Variants in VCAN observed in about 807,000 individuals in gnomAD.
VCAN encodes the protein versican core protein.
Under a neutral mutation model 245.5 loss-of-function variants are expected in VCAN, and 44 were observed. The ratio of observed to expected loss-of-function variants is 0.18; its 90% CI spans 0.14 to 0.23. VCAN has a LOEUF of 0.23. Ranked by LOEUF, VCAN falls within the 10% of genes least tolerant of loss-of-function variation. The probability of loss-of-function intolerance (pLI) is 1.00; values close to 1 mark genes in which losing one functional copy is unlikely to be tolerated. For missense variants in VCAN, 3,793 were observed against 4,057.9 expected, an observed-to-expected ratio of 0.93 and a Z score of 1.77; for synonymous variants, 1,413 against 1,437.0, an observed-to-expected ratio of 0.98 and a Z score of 0.38.
chr5:83,485,318 T>C (rs1744756589), intron 2 of VCAN, among the ~76,000 whole-genome samples: 2 of 151,428 alleles, frequency 1.3e-5, no homozygotes, highest in African/African-American at 4.9e-5. Context: ...ACAGGAGAAT[T>C]GTTTGAACCC....
chr5:83,490,200 C>T lies in VCAN; in HGVS notation c.173C>T (p.Thr58Ile). ...CCTACTTTGCCACCCAGTTACAACA[C>T]CAGTGAATTTCTCCGCATCAAATGG... is the stretch of plus-strand genomic sequence containing the variant. The part of the protein sequence containing the change: ...TMPTLPPSYN[T>I]SEFLRIKWSK... Residue 58 changes from threonine (T) to isoleucine (I), a missense_variant, in exon 3 of 15, where the codon ACC becomes ATC. By Grantham distance (89) the Thr-to-Ile change is moderately conservative (BLOSUM62 -1). Transcript: ENST00000265077. 6.2e-7 allele frequency: 1 copy of T among 1,614,128 alleles called. No individual in the cohort carries two copies. The highest frequency in any genetic ancestry group is 1.1e-5 in the South Asian group (1 of 91,076).
At chr5:83,547,874 A>G in intron 9 of VCAN, 97 bp from the exon 10 acceptor site, 1 of 842,280 alleles carries the variant, frequency 1.2e-6, no homozygotes, top group Non-Finnish European at 2.0e-6. Context: ...TTCAAATTTA[A>G]CTGGCTGTCT....
intron 10 of VCAN, among the ~76,000 whole-genome samples, chr5:83,551,426 C>T (rs1261374919): frequency 6.6e-6 from 1 of 151,580 alleles, no homozygotes; most frequent in Non-Finnish European, 1.5e-5. Flanking sequence ...GCAGGAGACT[C>T]ACTTGAACCC....
chr5:83,575,947 T>C (rs1270467606), intron 13 of VCAN, among the ~76,000 whole-genome samples: 3 of 152,186 alleles, frequency 2.0e-5, no homozygotes, highest in African/African-American at 7.2e-5. Context: ...AATTCTTTAC[T>C]AATCAGAACT....
chr5:83,566,285 T>C (rs922672410), intron 12 of VCAN, among the ~76,000 whole-genome samples: 1 of 152,114 alleles, frequency 6.6e-6, no homozygotes, highest in Non-Finnish European at 1.5e-5. Flanking sequence ...TTTTAACCTT[T>C]GCAAAAAGGC....
rs201534037 is a variant in VCAN, at chr5:83,580,079, A to G, written c.9980A>G (p.Asp3327Gly). 2 of 1,613,958 alleles carry G rather than the reference A, an allele frequency of 1.2e-6. No individual in the cohort carries two copies. The highest frequency in any genetic ancestry group is 1.3e-5 in the African/African-American group (1 of 74,910). The change falls in exon 14 of 15, where the codon GAT (aspartate) becomes GGT (glycine). Residue 3327 changes from aspartate to glycine, a missense_variant. Asp to Gly is a moderately conservative substitution (Grantham distance 94). Around this residue, in one of 5 missense-constraint regions of VCAN, gnomAD observed 205 missense variants for 321.1 expected, o/e 0.64. Transcript: ENST00000265077. The part of the protein sequence containing the change: ...INSLIRYHCK[D>G]GFIQRHLPTI... ...TCCCTGATTAGATACCACTGCAAAGATGGTTTCATTCAACGTCACCTTCCA... is the reference window on the plus strand; with the variant it reads ...TCCCTGATTAGATACCACTGCAAAGGTGGTTTCATTCAACGTCACCTTCCA...
chr5:83,546,735 G>C (rs1303537479), intron 9 of VCAN, among the ~76,000 whole-genome samples: 1 of 152,104 alleles, frequency 6.6e-6, no homozygotes, highest in East Asian at 1.9e-4. Flanking sequence ...AAAGTGTCTG[G>C]CACTCAGCAA....
intron 2 of VCAN, among the ~76,000 whole-genome samples, chr5:83,486,224 C>G (rs1234889752): frequency 6.6e-6 from 1 of 152,172 alleles, no homozygotes; most frequent in Admixed American, 6.5e-5. Flanking sequence ...CTTCCATGCT[C>G]TTGGGATAAG....
In VCAN at chr5:83,541,682, T is replaced by C; in HGVS notation, c.8679T>C (p.Ser2893=). ...YLHITEPPSL[S]PDTKLEPSED... ...ACATAACTGAGCCTCCCTCTTTATCTCCTGACACAAAATTAGAACCTTCAG... is the reference window on the plus strand; with the variant it reads ...ACATAACTGAGCCTCCCTCTTTATCCCCTGACACAAAATTAGAACCTTCAG... Residue 2893 remains serine, a synonymous_variant, in exon 8 of 15, where the codon TCT becomes TCC. Transcript: ENST00000265077. 6.2e-7 allele frequency: 1 copy of C among 1,613,898 alleles called. No homozygotes were observed. The highest frequency in any genetic ancestry group is 8.5e-7 in the Non-Finnish European group (1 of 1,179,996).
At chr5:83,572,966 T>A (rs912365924) in intron 13 of VCAN, among the ~76,000 whole-genome samples, 1 of 151,690 alleles carries the variant, frequency 6.6e-6, no homozygotes, top group African/African-American at 2.4e-5. Context: ...AGTGGTGTGA[T>A]CTTGGCTCAC....
rs1352806943 is a variant in VCAN at position 83,541,009 on chromosome 5, A to G, written c.8006A>G (p.His2669Arg). The G allele has an allele frequency of 1.2e-6, 2 of 1,614,072 alleles. No homozygotes were observed. Among genetic ancestry groups the G allele is most frequent in the Non-Finnish European group, 1.7e-6 (2 of 1,179,986 alleles). The change falls in exon 8 of 15, where the codon CAC becomes CGC. Residue 2669 changes from histidine to arginine, a missense_variant. Transcript: ENST00000265077. Reference sequence around the variant, plus strand: ...AGCCAACTAGATCACATGGGCTTTCACTTCACAACTGGGATCCCTGCTCCT... The same window carrying G: ...AGCCAACTAGATCACATGGGCTTTCGCTTCACAACTGGGATCCCTGCTCCT... ...DRSQLDHMGF[H>R]FTTGIPAPST...
At chr5:83,510,698 T>C (rs1745625130) in intron 5 of VCAN, among the ~76,000 whole-genome samples, 1 of 152,246 alleles carries the variant, frequency 6.6e-6, no homozygotes, top group Admixed American at 6.5e-5. Flanking sequence ...GTTAGCTAAG[T>C]AAAATTCCAA....
At chr5:83,549,960 G>A (rs1747397282) in intron 10 of VCAN, among the ~76,000 whole-genome samples, 1 of 152,168 alleles carries the variant, frequency 6.6e-6, no homozygotes, top group African/African-American at 2.4e-5. Flanking sequence ...TGTTCCTTCA[G>A]CTGACGTTTT....
intron 10 of VCAN, among the ~76,000 whole-genome samples, chr5:83,549,595 T>C (rs615336): frequency 6.6e-6 from 1 of 151,600 alleles, no homozygotes; most frequent in African/African-American, 2.4e-5. Context: ...TCTGATGCAT[T>C]GAGTGGCAAC....
At chr5:83,512,491 GTC>G in intron 6 of VCAN, 95 bp downstream of exon 6, 1 of 1,420,334 alleles carries the variant, frequency 7.0e-7, no homozygotes. Flanking sequence ...TGGATTCCAT[GTC>G]TTGCAGTGTG....
intron 5 of VCAN, among the ~76,000 whole-genome samples, chr5:83,496,179 T>C (rs761730920): frequency 2.0e-5 from 3 of 152,170 alleles, no homozygotes; most frequent in Admixed American, 6.6e-5. Flanking sequence ...TCATAACCAG[T>C]GTTCAGGAAC....
At chr5:83,563,072 A>G (rs928349018) in intron 12 of VCAN, among the ~76,000 whole-genome samples, 6 of 152,100 alleles carry the variant, frequency 3.9e-5, no homozygotes, top group African/African-American at 1.4e-4. Context: ...CAGCATATTC[A>G]TGTTTGTAGG....
At chr5:83,475,934 A>G (rs1744373750) in intron 1 of VCAN, among the ~76,000 whole-genome samples, 1 of 152,226 alleles carries the variant, frequency 6.6e-6, no homozygotes, top group African/African-American at 2.4e-5. Context: ...TTTGAAAGGA[A>G]TCCCCCTAGA....
intron 10 of VCAN, among the ~76,000 whole-genome samples, chr5:83,549,720 C>T (rs1467623321): frequency 6.6e-6 from 1 of 152,150 alleles, no homozygotes; most frequent in African/African-American, 2.4e-5. Context: ...CTTTCAGGTA[C>T]TTTTTATTGT....
Sources: allele counts gnomAD v4.1 joint callset (sites outside exome capture counted in the v4.1 genomes callset), GRCh38; gene constraint gnomAD v4.1.1; regional missense constraint gnomAD v4.1.1; transcripts MANE v1.5; gene names NCBI Gene and HGNC (gene_info 2026-07-23, HGNC 2026-07-21).